The following KLHL2 variants were observed in gnomAD, a reference collection of about 807,000 sequenced individuals.
The protein encoded by KLHL2 is kelch like family member 2, also known as kelch-like protein 2.
In KLHL2, 15 loss-of-function variants were observed where a neutral mutation model predicts 75.8. The observed-to-expected ratio is 0.20, with a 90% confidence interval of 0.13 to 0.30. The LOEUF (loss-of-function observed/expected upper bound fraction) is 0.30. KLHL2 is among the 10% of genes least tolerant of loss of function. The pLI is 1.00. For synonymous variants in KLHL2, 214 were observed against 251.9 expected, an observed-to-expected ratio of 0.85 and a Z score of 1.42; for missense variants, 381 against 741.0, an observed-to-expected ratio of 0.51 and a Z score of 5.64.
chr4:165,310,841 GT>G, intron 10 of KLHL2, 91 bp downstream of exon 10: 5 of 921,158 alleles, frequency 5.4e-6, no homozygotes, highest in Non-Finnish European at 8.5e-6. Flanking sequence ...TAGGGCACAT[GT>G]GAGGTTTTTT....
At chr4:165,316,270 A>G (rs2126583974) in intron 13 of KLHL2, among the ~76,000 whole-genome samples, 1 of 152,316 alleles carries the variant, frequency 6.6e-6, no homozygotes, top group Non-Finnish European at 1.5e-5. Context: ...TTAGAACAAT[A>G]TAGTCTCCTT....
chr4:165,248,842 G>T (rs1375488511), intron 4 of KLHL2, among the ~76,000 whole-genome samples: 1 of 152,184 alleles, frequency 6.6e-6, no homozygotes, highest in Admixed American at 6.5e-5. Context: ...AAGTTACTTG[G>T]AGTGTGAGAG....
intron 5 of KLHL2, among the ~76,000 whole-genome samples, chr4:165,281,767 T>G (rs573724329): frequency 6.6e-6 from 1 of 152,336 alleles, no homozygotes; most frequent in African/African-American, 2.4e-5. Flanking sequence ...ATGGAATGTA[T>G]ATTCCACATA....
At position 165,319,247 on chromosome 4, in the gene KLHL2, CA is replaced by C. The variant is rs1746798632; in HGVS notation, c.1753+1279del. 6.6e-6 allele frequency among the ~76,000 whole-genome samples: 1 copy of C among 152,198 alleles called. No individual in the cohort carries two copies. On this transcript the variant is annotated intron_variant, in intron 14 of 14. Coordinates refer to ENST00000226725, the MANE Select transcript of KLHL2 (RefSeq NM_007246.4). This position sits in a 1 kb window ranked among gnomAD's most constrained non-coding sequence, Gnocchi z 4.5. The stretch of plus-strand genomic sequence containing the variant: ...TTTGTCTCTTCAGCGATGCGTATCT[CA>C]GTAAAAAGTTCTCTCTCATGGTTCT...
intron 9 of KLHL2, among the ~76,000 whole-genome samples, chr4:165,307,490 C>T (rs1053711645): frequency 1.8e-4 from 27 of 152,172 alleles, no homozygotes; most frequent in African/African-American, 5.8e-4. Flanking sequence ...AACTGAAATA[C>T]AGACTTCATA....
At chr4:165,238,106 G>A (rs575091086) in intron 3 of KLHL2, among the ~76,000 whole-genome samples, 14 of 152,344 alleles carry the variant, frequency 9.2e-5, no homozygotes, top group African/African-American at 3.1e-4. Context: ...TGACTTCAGC[G>A]TGAAGTTGCT....
intron 5 of KLHL2, chr4:165,278,164 C>A (rs1284706187): frequency 3.5e-6 from 5 of 1,438,002 alleles, no homozygotes; most frequent in African/African-American, 2.8e-5. Context: ...TTTCACTTTC[C>A]TCAGCATTAA....
intron 8 of KLHL2, among the ~76,000 whole-genome samples, chr4:165,301,743 C>G (rs1393820987): frequency 6.6e-6 from 1 of 152,050 alleles, no homozygotes; most frequent in East Asian, 1.9e-4. Flanking sequence ...AAATAATGTG[C>G]TATATCTTTA....
At chr4:165,315,595 T>C (rs1468956149) in intron 13 of KLHL2, among the ~76,000 whole-genome samples, 1 of 152,216 alleles carries the variant, frequency 6.6e-6, no homozygotes, top group Non-Finnish European at 1.5e-5. Flanking sequence ...CAAGATACAG[T>C]ATAATCCAAT....
At chr4:165,224,505 A>C (rs1425606429) in intron 2 of KLHL2, among the ~76,000 whole-genome samples, 2 of 152,244 alleles carry the variant, frequency 1.3e-5, no homozygotes, top group South Asian at 2.1e-4. Context: ...TTTAAGCAAA[A>C]TAGCCTGACC....
intron 13 of KLHL2, among the ~76,000 whole-genome samples, chr4:165,316,953 A>G (rs1746631705): frequency 1.3e-5 from 2 of 152,310 alleles, no homozygotes; most frequent in African/African-American, 4.8e-5. Context: ...TAGCCAGAGT[A>G]GAGATCAAAA....
At chr4:165,235,710 T>C (rs1213879920) in intron 3 of KLHL2, among the ~76,000 whole-genome samples, 1 of 151,830 alleles carries the variant, frequency 6.6e-6, no homozygotes, top group Non-Finnish European at 1.5e-5. Flanking sequence ...TTGCATGAGG[T>C]ACCCAACTGT....
At chr4:165,218,558 T>C (rs1468189205) in intron 1 of KLHL2, among the ~76,000 whole-genome samples, 2 of 152,230 alleles carry the variant, frequency 1.3e-5, no homozygotes, top group East Asian at 1.9e-4. Flanking sequence ...CTTTTTCTAC[T>C]TCCATAACAC....
In KLHL2 at chr4:165,213,394, C is replaced by G. The variant is rs113568465; in HGVS notation, c.26+5492C>G. Among the ~76,000 whole-genome samples the G allele has an allele frequency of 3.7e-3, 570 of 152,302 alleles. 3 individuals are homozygous for G. Among genetic ancestry groups the G allele is most frequent in the African/African-American group, 0.013 (551 of 41,574 alleles). On this transcript the variant is annotated intron_variant, in intron 1 of 14. Coordinates refer to ENST00000226725, the MANE Select transcript of KLHL2 (RefSeq NM_007246.4). ...TTATCTTATCCTATATATCCAAGAT[C>G]ATCATGTGCTTTTAAAACTCTCCCT...
chr4:165,311,697 G>T, intron 11 of KLHL2, 132 bp downstream of exon 11: 1 of 667,920 alleles, frequency 1.5e-6, no homozygotes, highest in Non-Finnish European at 2.6e-6. Flanking sequence ...CGTAATTACT[G>T]TAAAATTTCA....
chr4:165,300,350 T>C (rs1745256738), intron 8 of KLHL2, among the ~76,000 whole-genome samples: 1 of 152,006 alleles, frequency 6.6e-6, no homozygotes, highest in Non-Finnish European at 1.5e-5. Context: ...GTTTAATAAC[T>C]GAAAACCCAG....
chr4:165,209,826 G>C, intron 1 of KLHL2: 2 of 357,982 alleles, frequency 5.6e-6, no homozygotes, highest in Non-Finnish European at 1.0e-5. Context: ...ATTTGGTTCT[G>C]TCCAGGATTA....
At chr4:165,217,746 T>C (rs558537327) in intron 1 of KLHL2, among the ~76,000 whole-genome samples, 96 of 152,318 alleles carry the variant, frequency 6.3e-4, no homozygotes, top group Non-Finnish European at 1.2e-3. Context: ...GTACCATCCA[T>C]GTAACCAGTG....
At chr4:165,270,200 T>G (rs537548854) in intron 5 of KLHL2, among the ~76,000 whole-genome samples, 2 of 152,320 alleles carry the variant, frequency 1.3e-5, no homozygotes, top group Non-Finnish European at 2.9e-5. Flanking sequence ...CTACACTGTT[T>G]ATTCTAGTTA....
Sources: allele counts gnomAD v4.1 joint callset (sites outside exome capture counted in the v4.1 genomes callset), GRCh38; gene constraint gnomAD v4.1.1; non-coding constraint Gnocchi (gnomAD v3.1); transcripts MANE v1.5; gene names NCBI Gene and HGNC (gene_info 2026-07-23, HGNC 2026-07-21).